The following CAP2 variants were observed in gnomAD, a reference collection of about 807,000 sequenced individuals.
CAP2 encodes the protein adenylyl cyclase-associated protein 2.
A neutral mutation model predicts 57.7 loss-of-function variants in CAP2; 24 were observed. That is an observed-to-expected ratio of 0.42 (90% CI 0.30 to 0.58). The LOEUF (loss-of-function observed/expected upper bound fraction) is 0.58. Ranked by LOEUF, CAP2 falls within the 20% of genes least tolerant of loss-of-function variation. The pLI, the probability that CAP2 is intolerant of heterozygous loss-of-function variation, is 0.22. For missense variants in CAP2, 501 were observed against 590.3 expected (o/e 0.85, Z 1.57); for synonymous variants, 194 against 207.2 (o/e 0.94, Z 0.55).
At chr6:17,543,230 A>T in intron 11 of CAP2, 87 bp downstream of exon 11, 1 of 1,113,944 alleles carries the variant, frequency 9.0e-7, no homozygotes, top group Non-Finnish European at 1.4e-6. Flanking sequence ...ACCACGCTGT[A>T]GTAAGCAGCC....
At chr6:17,455,310 A>T (rs899370189) in intron 3 of CAP2, among the ~76,000 whole-genome samples, 3 of 151,820 alleles carry the variant, frequency 2.0e-5, no homozygotes, top group Non-Finnish European at 4.4e-5. Flanking sequence ...TCAAGCGAGC[A>T]TGCGCACAAC....
intron 5 of CAP2, 83 bp downstream of exon 5, chr6:17,507,395 G>C (rs777662479): frequency 1.4e-6 from 2 of 1,406,076 alleles, no homozygotes; most frequent in African/African-American, 2.9e-5. Flanking sequence ...CTACCTTCAC[G>C]CTCCTTGCAC....
At chr6:17,418,696 C>A (rs1452710893) in intron 1 of CAP2, among the ~76,000 whole-genome samples, 1 of 151,904 alleles carries the variant, frequency 6.6e-6, no homozygotes, top group Non-Finnish European at 1.5e-5. Context: ...CAGGCTAGGT[C>A]TATGGTGGTA....
At chr6:17,434,369 T>G (rs529870415) in intron 3 of CAP2, among the ~76,000 whole-genome samples, 27 of 151,952 alleles carry the variant, frequency 1.8e-4, no homozygotes, top group Non-Finnish European at 1.6e-4. Context: ...GCTGGGACTA[T>G]AGACCCGCAC....
chr6:17,493,906 A>G (rs1761604254), intron 4 of CAP2, among the ~76,000 whole-genome samples: 1 of 152,068 alleles, frequency 6.6e-6, no homozygotes, highest in South Asian at 2.1e-4. Flanking sequence ...TCTTTGCGCT[A>G]AAGCCTGCTC....
chr6:17,468,198 T>C (rs1177652750), intron 4 of CAP2, among the ~76,000 whole-genome samples: 1 of 152,094 alleles, frequency 6.6e-6, no homozygotes, highest in Admixed American at 6.6e-5. Flanking sequence ...ACCTTCACCC[T>C]TCCATCTATC....
chr6:17,547,649 G>A (rs893511003), intron 11 of CAP2, among the ~76,000 whole-genome samples: 5 of 152,146 alleles, frequency 3.3e-5, no homozygotes, highest in East Asian at 3.9e-4. Flanking sequence ...AGACCATCCT[G>A]GCTAACACAG....
chr6:17,541,766 T>C (rs78932423), intron 9 of CAP2, among the ~76,000 whole-genome samples: 22,736 of 152,152 alleles, frequency 0.15, 2,577 homozygotes, highest in African/African-American at 0.32. Flanking sequence ...TCCTTCTGAC[T>C]ATATGTTCGT....
At chr6:17,455,577 C>T (rs1245461213) in intron 3 of CAP2, among the ~76,000 whole-genome samples, 5 of 151,868 alleles carry the variant, frequency 3.3e-5, no homozygotes, top group Non-Finnish European at 7.4e-5. Context: ...GCTCTGTCGC[C>T]CAGGCTGGAG....
At chr6:17,503,249 G>A (rs373775588) in intron 4 of CAP2, among the ~76,000 whole-genome samples, 20 of 152,174 alleles carry the variant, frequency 1.3e-4, no homozygotes, top group South Asian at 2.1e-4. Flanking sequence ...TCAAGGTGAC[G>A]GCAGGGTTGG....
chr6:17,439,989 G>A lies in CAP2; in HGVS notation c.222+13299G>A, dbSNP rs540966743. Reference sequence around the variant, plus strand: ...TTCCCCCCATAGGTCTTCCTATCCAGAGTTCTCCTGGATGGTCTTGCTTGT... The same window carrying A: ...TTCCCCCCATAGGTCTTCCTATCCAAAGTTCTCCTGGATGGTCTTGCTTGT... On this transcript the variant is annotated intron_variant, in intron 3 of 12. Transcript: ENST00000229922. Among the ~76,000 whole-genome samples the A allele has an allele frequency of 2.4e-4, 37 of 151,680 alleles. 1 individual carries two copies. Among genetic ancestry groups the A allele is most frequent in the African/African-American group, 8.8e-4 (36 of 41,004 alleles).
chr6:17,410,115 C>T (rs1759099582), intron 1 of CAP2, among the ~76,000 whole-genome samples: 2 of 152,254 alleles, frequency 1.3e-5, no homozygotes, highest in African/African-American at 2.4e-5. Flanking sequence ...ACCATACTCT[C>T]ATCTTTGAGA....
chr6:17,402,438 C>CATGTGT (rs1397499300), intron 1 of CAP2, among the ~76,000 whole-genome samples: 1 of 152,118 alleles, frequency 6.6e-6, no homozygotes, highest in African/African-American at 2.4e-5. Flanking sequence ...AGCAGAGACC[C>CATGTGT]TTTTGCAAAT....
chr6:17,542,827 T>C lies in CAP2; in HGVS notation c.1003-10T>C. The C allele has an allele frequency of 6.2e-7, 1 of 1,603,154 alleles. No homozygotes were observed. Among genetic ancestry groups the C allele is most frequent in the East Asian group, 2.2e-5 (1 of 44,822 alleles). ...CTGATGTTTAATATTTGTATTTGTC[T>C]TAATTCTAGGAGTACCAAGAGGACA... is the stretch of plus-strand genomic sequence containing the variant. On this transcript the variant is annotated splice_polypyrimidine_tract_variant and intron_variant, in intron 9 of 12. Coordinates refer to ENST00000229922, the MANE Select transcript of CAP2 (RefSeq NM_006366.3).
At chr6:17,527,850 G>C (rs1161885646) in intron 7 of CAP2, among the ~76,000 whole-genome samples, 2 of 152,256 alleles carry the variant, frequency 1.3e-5, no homozygotes, top group East Asian at 3.9e-4. Flanking sequence ...CGATCCACCT[G>C]CCTTGGCCTC....
chr6:17,507,722 C>T lies in CAP2; in HGVS notation c.526C>T (p.His176Tyr), dbSNP rs1473506481. 1 of 1,573,974 alleles carries T rather than the reference C, an allele frequency of 6.4e-7. No individual in the cohort carries two copies. Among genetic ancestry groups the T allele is most frequent in the African/African-American group, 1.4e-5 (1 of 74,004 alleles). The change falls in exon 6 of 13, where the codon CAC (histidine) becomes TAC (tyrosine). Residue 176 changes from histidine (H) to tyrosine (Y), a missense_variant. Coordinates refer to ENST00000229922, the MANE Select transcript of CAP2 (RefSeq NM_006366.3). The part of the protein sequence containing the change: ...YTNRVLKDYK[H>Y]SDLRHVDWVK... ...TAACAGGGTCTTAAAGGACTACAAACACAGGTACGTACCTTCCTTTACTCA... is the reference window on the plus strand; with the variant it reads ...TAACAGGGTCTTAAAGGACTACAAATACAGGTACGTACCTTCCTTTACTCA...
chr6:17,541,374 G>A (rs1277432235), intron 9 of CAP2, among the ~76,000 whole-genome samples: 3 of 152,104 alleles, frequency 2.0e-5, no homozygotes, highest in African/African-American at 7.2e-5. Context: ...GAGGTCAGGA[G>A]TTCGAGACCA....
chr6:17,555,424 C>T (rs1763277997), intron 12 of CAP2, among the ~76,000 whole-genome samples: 1 of 152,004 alleles, frequency 6.6e-6, no homozygotes, highest in South Asian at 2.1e-4. Context: ...GAACTCCCAA[C>T]CTCAGGTGAT....
At chr6:17,476,801 A>G (rs1761158505) in intron 4 of CAP2, among the ~76,000 whole-genome samples, 1 of 147,314 alleles carries the variant, frequency 6.8e-6, no homozygotes, top group Non-Finnish European at 1.5e-5. Flanking sequence ...TCATGTGGCT[A>G]TGCACCTTAG....
Sources: allele counts gnomAD v4.1 joint callset (sites outside exome capture counted in the v4.1 genomes callset), GRCh38; gene constraint gnomAD v4.1.1; transcripts MANE v1.5; gene names NCBI Gene and HGNC (gene_info 2026-07-23, HGNC 2026-07-21).